Variants in ZNF654 observed in about 807,000 individuals in gnomAD.
ZNF654 encodes the protein melanoma-associated antigen.
Under a neutral mutation model 95.3 loss-of-function variants are expected in ZNF654, and 19 were observed. The observed-to-expected ratio is 0.20, with a 90% CI of 0.14 to 0.29. The LOEUF is 0.29. Among genes scored for constraint, ZNF654 ranks in the 10% least tolerant of loss-of-function variants. The pLI, the probability that ZNF654 is intolerant of heterozygous loss-of-function variation, is 1.00. For missense variants in ZNF654, 1,046 were observed against 1,341.0 expected (o/e 0.78, Z 3.44); for synonymous variants, 413 against 457.9 (o/e 0.90, Z 1.25).
At chr3:88,105,946 G>T (rs778637022) in intron 2 of ZNF654, among the ~76,000 whole-genome samples, 1 of 152,152 alleles carries the variant, frequency 6.6e-6, no homozygotes, top group Non-Finnish European at 1.5e-5. Context: ...GGTGAATTTG[G>T]CCTCTTTTTG....
intron 1 of ZNF654, among the ~76,000 whole-genome samples, chr3:88,077,786 T>C (rs192489301): frequency 1.1e-3 from 174 of 152,344 alleles, no homozygotes; most frequent in Non-Finnish European, 1.8e-3. Flanking sequence ...ATGTCAAATA[T>C]CTTGGTTCAA....
chr3:88,130,680 T>A (rs1706405572), intron 6 of ZNF654, among the ~76,000 whole-genome samples: 1 of 147,554 alleles, frequency 6.8e-6, no homozygotes, highest in African/African-American at 2.5e-5. Context: ...GGTTTGGAAC[T>A]CCTTGGGCTC....
At chr3:88,130,148 CAA>C (rs1198084436) in intron 6 of ZNF654, among the ~76,000 whole-genome samples, 1 of 152,080 alleles carries the variant, frequency 6.6e-6, no homozygotes, top group East Asian at 1.9e-4. Context: ...GTTTACCTAG[CAA>C]TCATGTAATT....
chr3:88,113,087 A>G, intron 2 of ZNF654, 28 bp from the exon 3 acceptor site: 1 of 1,427,384 alleles, frequency 7.0e-7, no homozygotes, highest in Non-Finnish European at 9.5e-7. Context: ...CAAAGAAGCA[A>G]TGAAAGTTAT....
chr3:88,094,943 G>C (rs1170227836), intron 2 of ZNF654, among the ~76,000 whole-genome samples: 10 of 152,054 alleles, frequency 6.6e-5, no homozygotes, highest in Non-Finnish European at 8.8e-5. Flanking sequence ...TTTGCTCACT[G>C]CTTCTTACAA....
In ZNF654 at chr3:88,129,724, T is replaced by C; in HGVS notation, c.791T>C (p.Ile264Thr). ...ACTGATTGTAAGAGTGGAATTGATA[T>C]CATCTGTAATGCTGAAAAAGAAGGC... ...LKTDCKSGID[I>T]ICNAEKEGKT... Residue 264 changes from isoleucine (I) to threonine (T), a missense_variant, in exon 6 of 9, where the codon ATC becomes ACC. Ile to Thr is a moderately conservative substitution (Grantham distance 89). Around this residue, in one of 9 missense-constraint regions of ZNF654, gnomAD observed 121 missense variants for 141.7 expected, o/e 0.85. Transcript: ENST00000636215. 6 of 1,520,464 alleles carry C rather than the reference T, an allele frequency of 3.9e-6. No individual in the cohort carries two copies. The highest frequency in any genetic ancestry group is 1.7e-4 in the Middle Eastern group (1 of 5,884). 94.2% of individuals were successfully genotyped at this position (1,520,464 alleles called of 1,614,324 possible).
At chr3:88,096,170 A>G (rs1274730085) in intron 2 of ZNF654, among the ~76,000 whole-genome samples, 2 of 152,052 alleles carry the variant, frequency 1.3e-5, no homozygotes, top group South Asian at 2.1e-4. Context: ...ATAATTAAGT[A>G]GAAGGAACTT....
In ZNF654 at chr3:88,143,681, C is replaced by A. The variant is rs1707231034; in HGVS notation, c.*2029C>A. On this transcript the variant is annotated 3_prime_UTR_variant, in exon 9 of 9. Coordinates refer to ENST00000636215, the MANE Select transcript of ZNF654 (RefSeq NM_001350134.2). ...CATGCCAAGATGTTTCAAATATATTCCATTTGTAATCTGTCTTTAACTTGA... is the reference window on the plus strand; with the variant it reads ...CATGCCAAGATGTTTCAAATATATTACATTTGTAATCTGTCTTTAACTTGA... 6.6e-6 allele frequency: 1 copy of A among 152,202 alleles called. No homozygotes were observed. Among genetic ancestry groups the A allele is most frequent in the South Asian group, 2.1e-4 (1 of 4,834 alleles). 9.4% of individuals were successfully genotyped at this position (152,202 alleles called of 1,614,324 possible).
chr3:88,096,150 A>G (rs1028159311), intron 2 of ZNF654, among the ~76,000 whole-genome samples: 1 of 151,956 alleles, frequency 6.6e-6, no homozygotes, highest in Non-Finnish European at 1.5e-5. Context: ...GTAAATGTCA[A>G]CCATCCTAGA....
intron 2 of ZNF654, among the ~76,000 whole-genome samples, chr3:88,110,942 G>A (rs1705052223): frequency 6.6e-6 from 1 of 152,008 alleles, no homozygotes; most frequent in East Asian, 1.9e-4. Flanking sequence ...TTATCATGGA[G>A]TTGGACCATG....
At chr3:88,133,598 G>T (rs1441855313) in intron 6 of ZNF654, among the ~76,000 whole-genome samples, 1 of 152,094 alleles carries the variant, frequency 6.6e-6, no homozygotes, top group East Asian at 1.9e-4. Context: ...ATAGCAGTCA[G>T]CATAAACAAA....
At chr3:88,134,121 G>T (rs1036400451) in intron 6 of ZNF654, among the ~76,000 whole-genome samples, 1 of 151,630 alleles carries the variant, frequency 6.6e-6, no homozygotes, top group Admixed American at 6.6e-5. Flanking sequence ...AAAAAGGTGG[G>T]GGGTAGTGGA....
chr3:88,075,251 G>T (rs1707737427), intron 1 of ZNF654, among the ~76,000 whole-genome samples: 1 of 152,158 alleles, frequency 6.6e-6, no homozygotes, highest in South Asian at 2.1e-4. Context: ...TCACTTACTT[G>T]TAGTTTGTAA....
At chr3:88,087,829 G>T (rs937136687) in intron 2 of ZNF654, among the ~76,000 whole-genome samples, 10 of 152,150 alleles carry the variant, frequency 6.6e-5, no homozygotes, top group Non-Finnish European at 1.2e-4. Flanking sequence ...GGACAGGTTG[G>T]GGTGGGGAAA....
Position 88,139,349 on chromosome 3 carries a change from A to C in ZNF654, c.1680A>C (p.Val560=). 1 of 1,610,984 alleles carries C rather than the reference A, an allele frequency of 6.2e-7. No individual in the cohort carries two copies. Among genetic ancestry groups the C allele is most frequent in the Non-Finnish European group, 8.5e-7 (1 of 1,178,910 alleles). The change falls in exon 8 of 9, where the codon GTA becomes GTC. Residue 560 remains valine (V), a synonymous_variant. Transcript: ENST00000636215. ...CNKEFLGGHI[V]RHAQAHQKKG... ...AGGAATTTTTAGGTGGTCACATTGT[A>C]AGGCATGCCCAGGCTCATCAGAAAA... is the stretch of plus-strand genomic sequence containing the variant.
chr3:88,073,544 A>G (rs1275794474), intron 1 of ZNF654, among the ~76,000 whole-genome samples: 1 of 152,254 alleles, frequency 6.6e-6, no homozygotes. Flanking sequence ...AACAATTTCA[A>G]GGAATATTAT....
chr3:88,109,059 G>A (rs1200070456), intron 2 of ZNF654, among the ~76,000 whole-genome samples: 1 of 151,802 alleles, frequency 6.6e-6, no homozygotes, highest in Non-Finnish European at 1.5e-5. Flanking sequence ...GATGAAAATT[G>A]GGTTAGGTGC....
At chr3:88,062,716 T>C (rs1425986955) in intron 1 of ZNF654, among the ~76,000 whole-genome samples, 1 of 152,210 alleles carries the variant, frequency 6.6e-6, no homozygotes, top group Non-Finnish European at 1.5e-5. Context: ...CTTTGATATG[T>C]TGATTGAAAT....
intron 1 of ZNF654, among the ~76,000 whole-genome samples, chr3:88,065,747 G>C (rs1411491417): frequency 2.6e-5 from 4 of 151,610 alleles, no homozygotes; most frequent in Non-Finnish European, 4.4e-5. Flanking sequence ...TTTGAGACAG[G>C]GTCTGGCTGG....
Sources: allele counts gnomAD v4.1 joint callset (sites outside exome capture counted in the v4.1 genomes callset), GRCh38; gene constraint gnomAD v4.1.1; regional missense constraint gnomAD v4.1.1; transcripts MANE v1.5; gene names NCBI Gene and HGNC (gene_info 2026-07-23, HGNC 2026-07-21).